The following MAML3 variants were observed in gnomAD, a reference collection of about 807,000 sequenced individuals.
MAML3 encodes the protein mastermind like transcriptional coactivator 3.
A neutral mutation model predicts 101.9 loss-of-function variants in MAML3; 27 were observed. That is an observed-to-expected ratio of 0.27 (90% CI 0.20 to 0.37). The LOEUF (loss-of-function observed/expected upper bound fraction) is 0.37. MAML3 is among the 10% of genes least tolerant of loss of function. MAML3 has a pLI of 1.00. For synonymous variants in MAML3, 501 were observed against 555.9 expected, an observed-to-expected ratio of 0.90 and a Z score of 1.39; for missense variants, 1,316 against 1,444.9, an observed-to-expected ratio of 0.91 and a Z score of 1.45.
chr4:139,999,314 A>G (rs992571380), intron 1 of MAML3, among the ~76,000 whole-genome samples: 6 of 152,326 alleles, frequency 3.9e-5, no homozygotes, highest in African/African-American at 1.4e-4. Context: ...GGCCTTTGAC[A>G]GCAGCAGCAA....
intron 1 of MAML3, among the ~76,000 whole-genome samples, chr4:139,899,409 T>C (rs1401446488): frequency 6.6e-6 from 1 of 152,180 alleles, no homozygotes; most frequent in Non-Finnish European, 1.5e-5. Flanking sequence ...TTAAAAACAT[T>C]TTAGGTTTCT....
intron 1 of MAML3, among the ~76,000 whole-genome samples, chr4:139,989,408 G>A (rs893763702): frequency 1.3e-5 from 2 of 152,128 alleles, no homozygotes; most frequent in African/African-American, 4.8e-5. Context: ...GATGAAACAC[G>A]CCCGACGGCT....
At chr4:139,910,188 A>G (rs1460780643) in intron 1 of MAML3, among the ~76,000 whole-genome samples, 1 of 152,236 alleles carries the variant, frequency 6.6e-6, no homozygotes, top group Non-Finnish European at 1.5e-5. Flanking sequence ...TATGACACTC[A>G]GCAGCCTCAA....
In MAML3 at chr4:140,153,481, A is replaced by AG; in HGVS notation, c.-155_-154insC. 1 of 783,684 alleles carries AG rather than the reference A, an allele frequency of 1.3e-6. No individual in the cohort carries two copies. The highest frequency in any genetic ancestry group is 2.7e-5 in the South Asian group (1 of 37,720). The allele number at this position is 783,684 out of a possible 1,614,324, so 48.5% of individuals were successfully genotyped here. On this transcript the variant is annotated 5_prime_UTR_variant, in exon 1 of 5. Transcript: ENST00000509479. The stretch of plus-strand genomic sequence containing the variant: ...CGGCGATCCCGACGGGGCGAAAAAA[A>AG]CGGGGGGGGAGATTTTGGGGTGGTT...
chr4:139,937,599 G>A (rs1238742375), intron 1 of MAML3, among the ~76,000 whole-genome samples: 4 of 152,056 alleles, frequency 2.6e-5, no homozygotes, highest in African/African-American at 9.7e-5. Context: ...TGTTGGCTAG[G>A]CTGGTCTTGA....
At chr4:140,111,608 G>T (rs189532245) in intron 1 of MAML3, among the ~76,000 whole-genome samples, 112 of 152,282 alleles carry the variant, frequency 7.4e-4, no homozygotes, top group African/African-American at 2.4e-3. Context: ...GGTAACAAGG[G>T]CTAGATAAAT....
chr4:139,908,252 A>G (rs558719104), intron 1 of MAML3, among the ~76,000 whole-genome samples: 3 of 129,806 alleles, frequency 2.3e-5, no homozygotes, highest in African/African-American at 7.3e-5. Flanking sequence ...CCATATGTTT[A>G]CATATTCTCT....
intron 2 of MAML3, among the ~76,000 whole-genome samples, chr4:139,755,158 T>G (rs2111046400): frequency 6.6e-6 from 1 of 152,344 alleles, no homozygotes; most frequent in African/African-American, 2.4e-5. Context: ...TTCTTATGAA[T>G]GACAGCCGGT....
intron 1 of MAML3, among the ~76,000 whole-genome samples, chr4:140,023,902 T>C (rs1161348461): frequency 6.6e-6 from 1 of 152,256 alleles, no homozygotes; most frequent in Non-Finnish European, 1.5e-5. Context: ...CCTTTTACTT[T>C]TATTTACATA....
intron 1 of MAML3, among the ~76,000 whole-genome samples, chr4:140,104,395 T>TTATATAATATATATATTATATAA (rs1728309561): frequency 9.7e-5 from 3 of 31,056 alleles, no homozygotes; most frequent in African/African-American, 2.3e-4. Flanking sequence ...ATATTATATA[T>TTATATAATATATATATTATATAA]TATATAATAT....
chr4:139,760,387 G>A (rs181396420), intron 2 of MAML3, among the ~76,000 whole-genome samples: 1 of 152,304 alleles, frequency 6.6e-6, no homozygotes, highest in Admixed American at 6.5e-5. Context: ...TAGAATGTGG[G>A]CTTTGGAATC....
At chr4:139,986,456 A>G (rs1261141448) in intron 1 of MAML3, among the ~76,000 whole-genome samples, 1 of 152,250 alleles carries the variant, frequency 6.6e-6, no homozygotes, top group Non-Finnish European at 1.5e-5. Context: ...TGGATTAAAC[A>G]CACACAAAAC....
intron 2 of MAML3, among the ~76,000 whole-genome samples, chr4:139,881,551 T>C (rs1681678707): frequency 6.6e-6 from 1 of 152,224 alleles, no homozygotes; most frequent in Non-Finnish European, 1.5e-5. Flanking sequence ...AAGCCCCATC[T>C]AAGCACACAG....
chr4:139,836,911 T>C (rs1174237588), intron 2 of MAML3, among the ~76,000 whole-genome samples: 1 of 146,544 alleles, frequency 6.8e-6, no homozygotes, highest in Non-Finnish European at 1.5e-5. Flanking sequence ...TCACCTGAGG[T>C]TGGGAGTTTG....
chr4:140,015,960 T>C (rs12646543), intron 1 of MAML3, among the ~76,000 whole-genome samples: 40,127 of 151,738 alleles, frequency 0.26, 6,617 homozygotes, highest in Non-Finnish European at 0.37. Context: ...CTCAAAAAAA[T>C]ACATAAAAAT....
chr4:139,806,880 T>C (rs1027157786), intron 2 of MAML3, among the ~76,000 whole-genome samples: 1 of 152,230 alleles, frequency 6.6e-6, no homozygotes, highest in Non-Finnish European at 1.5e-5. Context: ...TTGTCTCATA[T>C]GCATAGAAAT....
intron 1 of MAML3, among the ~76,000 whole-genome samples, chr4:139,984,695 T>A (rs891229174): frequency 2.6e-5 from 4 of 152,262 alleles, no homozygotes; most frequent in Non-Finnish European, 5.9e-5. Context: ...CAGGCCAGCA[T>A]GCTGAAAACT....
intron 1 of MAML3, among the ~76,000 whole-genome samples, chr4:139,998,006 T>C (rs892856908): frequency 6.6e-6 from 1 of 152,224 alleles, no homozygotes; most frequent in African/African-American, 2.4e-5. Flanking sequence ...ATATTAATCC[T>C]ACACAGAGTT....
At chr4:140,060,126 G>C (rs913324600) in intron 1 of MAML3, among the ~76,000 whole-genome samples, 50 of 152,202 alleles carry the variant, frequency 3.3e-4, no homozygotes, top group African/African-American at 1.1e-3. Flanking sequence ...AGCACTTTGG[G>C]AGGCTGAGGC....
Sources: allele counts gnomAD v4.1 joint callset (sites outside exome capture counted in the v4.1 genomes callset), GRCh38; gene constraint gnomAD v4.1.1; transcripts MANE v1.5; gene names NCBI Gene and HGNC (gene_info 2026-07-23, HGNC 2026-07-21).